KIF5B: variants seen among roughly 807,000 people sequenced by gnomAD.
The protein encoded by KIF5B is kinesin family member 5B, also known as kinesin-1 heavy chain.
Under a neutral mutation model 132.8 loss-of-function variants are expected in KIF5B, and 49 were observed. The observed-to-expected ratio is 0.37, with a 90% CI of 0.29 to 0.47. KIF5B has a LOEUF of 0.47. KIF5B is among the 20% of genes least tolerant of loss of function. KIF5B has a pLI of 1.00. For synonymous variants in KIF5B, 355 were observed against 369.4 expected (o/e 0.96, Z 0.45); for missense variants, 780 against 1,144.0 (o/e 0.68, Z 4.59).
chr10:32,046,709 T>C (rs940996123), intron 2 of KIF5B, among the ~76,000 whole-genome samples: 1 of 152,196 alleles, frequency 6.6e-6, no homozygotes, highest in Non-Finnish European at 1.5e-5. Context: ...TGACCCACCA[T>C]GTCTGGCCTT....
chr10:32,052,242 C>T (rs1029086578), intron 1 of KIF5B, among the ~76,000 whole-genome samples: 29 of 152,120 alleles, frequency 1.9e-4, no homozygotes, highest in Admixed American at 1.0e-3. Context: ...ATTAGATTTT[C>T]CTTAGTTAAA....
At chr10:32,052,106 G>GT (rs1310788744) in intron 1 of KIF5B, among the ~76,000 whole-genome samples, 1 of 152,170 alleles carries the variant, frequency 6.6e-6, no homozygotes, top group Non-Finnish European at 1.5e-5. Context: ...AGTGATTCCT[G>GT]TTTGAGTATG....
chr10:32,014,086 A>G (rs927491354), intron 25 of KIF5B, among the ~76,000 whole-genome samples: 2 of 152,222 alleles, frequency 1.3e-5, no homozygotes, highest in Non-Finnish European at 2.9e-5. Flanking sequence ...TTTATTTCCA[A>G]AGCACATACA....
chr10:32,049,494 G>A (rs180890663), intron 1 of KIF5B, among the ~76,000 whole-genome samples: 21 of 152,230 alleles, frequency 1.4e-4, no homozygotes, highest in Admixed American at 3.3e-4. Context: ...GGCACTGGGA[G>A]GATACTTAAA....
intron 2 of KIF5B, among the ~76,000 whole-genome samples, chr10:32,042,917 C>A (rs556765993): frequency 1.3e-5 from 2 of 152,260 alleles, no homozygotes; most frequent in South Asian, 4.1e-4. Flanking sequence ...TGAGAGCTTA[C>A]AATGAGTCAG....
At chr10:32,044,994 A>G (rs966712759) in intron 2 of KIF5B, among the ~76,000 whole-genome samples, 1 of 152,266 alleles carries the variant, frequency 6.6e-6, no homozygotes, top group African/African-American at 2.4e-5. Flanking sequence ...CAGGAAGCAA[A>G]CGATTTCATC....
intron 1 of KIF5B, among the ~76,000 whole-genome samples, chr10:32,052,123 C>G (rs931098179): frequency 2.0e-5 from 3 of 152,196 alleles, no homozygotes; most frequent in African/African-American, 7.2e-5. Flanking sequence ...TATGCACCGA[C>G]CAGACTGAAG....
At chr10:32,019,303 T>C (rs1841225143) in intron 20 of KIF5B, among the ~76,000 whole-genome samples, 1 of 152,200 alleles carries the variant, frequency 6.6e-6, no homozygotes, top group African/African-American at 2.4e-5. Flanking sequence ...ATGTTCTAAC[T>C]ATCCTAACAA....
chr10:32,033,728 G>A (rs1285722533), intron 12 of KIF5B, 117 bp downstream of exon 12: 4 of 601,364 alleles, frequency 6.7e-6, no homozygotes, highest in Non-Finnish European at 1.1e-5. Flanking sequence ...AGAAATCAAG[G>A]AAGATGCATA....
In KIF5B at chr10:32,014,379, G is replaced by A. The variant is rs114193047; in HGVS notation, c.*20+1130C>T. Among the ~76,000 whole-genome samples, 706 of 151,404 alleles carry A rather than the reference G, an allele frequency of 4.7e-3. 2 individuals are homozygous for A. The highest frequency in any genetic ancestry group is 0.016 in the African/African-American group (673 of 41,216). ...GCATGTCAGCCTGGGCAACAAGAAC[G>A]AGGCTCCGTCTCGGAGTGGGGCAGG... On this transcript the variant is annotated intron_variant, in intron 25 of 25. Transcript: ENST00000302418.
chr10:32,017,128 A>G lies in KIF5B; in HGVS notation c.2761+15T>C, dbSNP rs750363519. 2 of 1,599,870 alleles carry G rather than the reference A, an allele frequency of 1.3e-6. No individual in the cohort carries two copies. Among genetic ancestry groups the G allele is most frequent in the East Asian group, 4.5e-5 (2 of 44,820 alleles). Reference sequence around the variant, plus strand: ...AATTGAGCAAGGTTTAAAGGTTTTAATGTGTTCTACTAACCAATCTGTGCA... The same window carrying G: ...AATTGAGCAAGGTTTAAAGGTTTTAGTGTGTTCTACTAACCAATCTGTGCA... On this transcript the variant is annotated intron_variant, in intron 24 of 25. Coordinates refer to ENST00000302418, the MANE Select transcript of KIF5B (RefSeq NM_004521.3).
chr10:32,032,913 C>CT, intron 12 of KIF5B, 139 bp from the exon 13 acceptor site: 1 of 667,630 alleles, frequency 1.5e-6, no homozygotes, highest in South Asian at 1.9e-5. Context: ...ATTTTAATCT[C>CT]TTTTAAGAAA....
In KIF5B at chr10:32,055,828, T is replaced by G; in HGVS notation, c.126+20A>C. ...CGGCCCGAAGAAGCGGGAGGAGGGA[T>G]GCCGGCGGGGGTCACTCACCGCGAT... On this transcript the variant is annotated intron_variant, in intron 1 of 25. Transcript: ENST00000302418. 2.5e-6 allele frequency: 4 copies of G among 1,610,030 alleles called. No individual in the cohort carries two copies. Among genetic ancestry groups the G allele is most frequent in the Non-Finnish European group, 3.4e-6 (4 of 1,178,876 alleles).
Position 32,021,004 on chromosome 10 carries a change from G to A in KIF5B, c.2204+18C>T. On this transcript the variant is annotated intron_variant, in intron 19 of 25. Transcript: ENST00000302418. ...GTAACCGATTCTTTCCTCCTAACTA[G>A]AGAAGTATAATACTTACTCTTGAAG... The A allele has an allele frequency of 7.4e-7, 1 of 1,357,402 alleles. No individual in the cohort carries two copies. Among genetic ancestry groups the A allele is most frequent in the Non-Finnish European group, 1.1e-6 (1 of 949,092 alleles). 84.1% of individuals were successfully genotyped at this position (1,357,402 alleles called of 1,614,324 possible).
chr10:32,044,381 G>A (rs561410787), intron 2 of KIF5B, among the ~76,000 whole-genome samples: 1 of 152,312 alleles, frequency 6.6e-6, no homozygotes, highest in African/African-American at 2.4e-5. Flanking sequence ...TAAGAAGACA[G>A]AGGACACATG....
At chr10:32,011,991 A>C (rs1841089869) in intron 25 of KIF5B, among the ~76,000 whole-genome samples, 1 of 152,194 alleles carries the variant, frequency 6.6e-6, no homozygotes, top group Admixed American at 6.5e-5. Flanking sequence ...GAAAAGTAAC[A>C]GTGAAATAAA....
chr10:32,056,119 C>A lies in KIF5B; in HGVS notation c.-146G>T. ...CGCGCTGCGCTTCCCCGGGTGGAGG[C>A]GGCCGGGGAGCCGGGACTTGAAGAG... On this transcript the variant is annotated 5_prime_UTR_variant, in exon 1 of 26. Coordinates refer to ENST00000302418, the MANE Select transcript of KIF5B (RefSeq NM_004521.3). 2 of 979,068 alleles carry A rather than the reference C, an allele frequency of 2.0e-6. No homozygotes were observed. The highest frequency in any genetic ancestry group is 3.4e-5 in the South Asian group (2 of 58,832). The allele number at this position is 979,068 out of a possible 1,614,324, so 60.6% of individuals were successfully genotyped here.
intron 13 of KIF5B, among the ~76,000 whole-genome samples, chr10:32,031,964 A>G (rs1462877335): frequency 6.7e-6 from 1 of 150,354 alleles, no homozygotes; most frequent in Non-Finnish European, 1.5e-5. Context: ...ACGCCGCTGC[A>G]CTCCAGCCTG....
intron 25 of KIF5B, among the ~76,000 whole-genome samples, chr10:32,014,250 G>A (rs1260164465): frequency 2.0e-5 from 3 of 152,150 alleles, no homozygotes; most frequent in African/African-American, 7.2e-5. Flanking sequence ...AAATTAGCCG[G>A]TGTGGTGGTG....
Sources: allele counts gnomAD v4.1 joint callset (sites outside exome capture counted in the v4.1 genomes callset), GRCh38; gene constraint gnomAD v4.1.1; transcripts MANE v1.5; gene names NCBI Gene and HGNC (gene_info 2026-07-23, HGNC 2026-07-21).